LRMDA: variants seen among roughly 807,000 people sequenced by gnomAD.
LRMDA encodes leucine-rich melanocyte differentiation-associated protein.
Under a neutral mutation model 29.8 loss-of-function variants are expected in LRMDA, and 18 were observed. That is an observed-to-expected ratio of 0.60 (90% CI 0.42 to 0.90). LRMDA has a LOEUF of 0.90. LRMDA is among the 40% of genes least tolerant of loss of function. LRMDA has a pLI of 0.00. For synonymous variants in LRMDA, 125 were observed against 109.4 expected (o/e 1.14, Z -0.89); for missense variants, 273 against 273.9 (o/e 1.00, Z 0.02).
chr10:76,255,743 G>A (rs1470043463), intron 5 of LRMDA, among the ~76,000 whole-genome samples: 1 of 152,142 alleles, frequency 6.6e-6, no homozygotes, highest in East Asian at 1.9e-4. Context: ...CCTAACAATG[G>A]ATACATTGTG....
At chr10:75,815,053 T>C (rs1352325994) in intron 2 of LRMDA, among the ~76,000 whole-genome samples, 1 of 152,190 alleles carries the variant, frequency 6.6e-6, no homozygotes, top group African/African-American at 2.4e-5. Context: ...TTCCCTACCA[T>C]GGATGAACAA....
chr10:75,812,808 G>T (rs1843987596), intron 2 of LRMDA, among the ~76,000 whole-genome samples: 1 of 152,180 alleles, frequency 6.6e-6, no homozygotes, highest in African/African-American at 2.4e-5. Flanking sequence ...CTATATGCTT[G>T]GGGGCCATAT....
At chr10:75,995,020 A>T (rs1245426842) in intron 2 of LRMDA, among the ~76,000 whole-genome samples, 1 of 152,132 alleles carries the variant, frequency 6.6e-6, no homozygotes, top group Non-Finnish European at 1.5e-5. Context: ...TGGTTTTTCC[A>T]TTTATATTTT....
At chr10:75,700,437 CTT>C (rs1156446140) in intron 2 of LRMDA, among the ~76,000 whole-genome samples, 15 of 135,670 alleles carry the variant, frequency 1.1e-4, no homozygotes, top group Admixed American at 2.2e-4. Flanking sequence ...CTTTCTCATT[CTT>C]TTTTTTTTTT....
chr10:76,353,705 G>T (rs1841206259), intron 6 of LRMDA, among the ~76,000 whole-genome samples: 1 of 152,068 alleles, frequency 6.6e-6, no homozygotes, highest in African/African-American at 2.4e-5. Context: ...TCTGAAGTTC[G>T]ATTCTTTAGG....
chr10:76,546,862 T>A (rs1050110107), intron 6 of LRMDA, among the ~76,000 whole-genome samples: 4 of 152,240 alleles, frequency 2.6e-5, no homozygotes, highest in African/African-American at 9.6e-5. Context: ...GGTGATCATC[T>A]GTTGTTCCAG....
At chr10:75,641,387 A>C (rs1841450881) in intron 2 of LRMDA, among the ~76,000 whole-genome samples, 1 of 135,588 alleles carries the variant, frequency 7.4e-6, no homozygotes. Context: ...TAATACATTA[A>C]TATGTGGATA....
chr10:76,179,703 G>A (rs988948303), intron 5 of LRMDA, among the ~76,000 whole-genome samples: 1 of 152,136 alleles, frequency 6.6e-6, no homozygotes, highest in African/African-American at 2.4e-5. Flanking sequence ...TATGAAGAGC[G>A]AGTTTGACTC....
chr10:75,775,230 T>C (rs980519656), intron 2 of LRMDA, among the ~76,000 whole-genome samples: 5 of 152,350 alleles, frequency 3.3e-5, no homozygotes, highest in Non-Finnish European at 4.4e-5. Context: ...CAAACAAGCA[T>C]TGGAGATTTT....
chr10:75,508,164 T>C (rs961569654), intron 2 of LRMDA, among the ~76,000 whole-genome samples: 2 of 152,214 alleles, frequency 1.3e-5, no homozygotes, highest in Non-Finnish European at 2.9e-5. Context: ...TGCTCAGTAG[T>C]GTGAATTTAT....
chr10:76,451,057 G>A (rs1842401105), intron 6 of LRMDA, among the ~76,000 whole-genome samples: 1 of 152,154 alleles, frequency 6.6e-6, no homozygotes, highest in Admixed American at 6.5e-5. Context: ...AATAGGGATT[G>A]TTGTGCTCTA....
At chr10:76,033,127 G>A (rs377051260) in intron 2 of LRMDA, among the ~76,000 whole-genome samples, 4 of 151,910 alleles carry the variant, frequency 2.6e-5, no homozygotes, top group Non-Finnish European at 4.4e-5. Flanking sequence ...TGTCGTCCAC[G>A]TGTCAGCTGG....
chr10:75,652,795 C>A (rs1182525802), intron 2 of LRMDA, among the ~76,000 whole-genome samples: 2 of 152,148 alleles, frequency 1.3e-5, no homozygotes, highest in Non-Finnish European at 2.9e-5. Context: ...TTGATCACTT[C>A]TTTCTGAGCC....
At chr10:75,878,500 G>C (rs1287673595) in intron 2 of LRMDA, among the ~76,000 whole-genome samples, 4 of 152,042 alleles carry the variant, frequency 2.6e-5, no homozygotes, top group Admixed American at 1.3e-4. Flanking sequence ...AGGCCTTGTG[G>C]TGTCTGCTGG....
At chr10:75,793,257 A>G (rs780972809) in intron 2 of LRMDA, among the ~76,000 whole-genome samples, 84 of 152,196 alleles carry the variant, frequency 5.5e-4, no homozygotes, top group Non-Finnish European at 9.3e-4. Context: ...TGAGGACAGG[A>G]GGGCCCTGTT....
intron 2 of LRMDA, among the ~76,000 whole-genome samples, chr10:75,663,107 G>C (rs924034454): frequency 6.6e-6 from 1 of 152,170 alleles, no homozygotes; most frequent in African/African-American, 2.4e-5. Flanking sequence ...AGGAAGCCAA[G>C]CTATTTTTAG....
intron 2 of LRMDA, among the ~76,000 whole-genome samples, chr10:75,894,411 C>G (rs1845548604): frequency 6.6e-6 from 1 of 152,152 alleles, no homozygotes. Flanking sequence ...ACCACAGTTT[C>G]TTTATTCACT....
chr10:76,096,314 A>T (rs1849310635), intron 5 of LRMDA, among the ~76,000 whole-genome samples: 2 of 151,998 alleles, frequency 1.3e-5, no homozygotes, highest in African/African-American at 4.8e-5. Context: ...GGCATAGGTC[A>T]TGGGTTGTTT....
intron 6 of LRMDA, among the ~76,000 whole-genome samples, chr10:76,391,908 G>A (rs1372319946): frequency 6.6e-6 from 1 of 152,058 alleles, no homozygotes; most frequent in Non-Finnish European, 1.5e-5. Flanking sequence ...TCTGTCTATG[G>A]ATTTATGGAG....
Sources: gnomAD v4.1 joint callset for allele counts (sites outside exome capture counted in the v4.1 genomes callset) on GRCh38, gnomAD v4.1.1 for gene constraint, MANE v1.5 for transcripts, NCBI Gene and HGNC (gene_info 2026-07-23, HGNC 2026-07-21) for gene names.